The following NEB variants were observed in gnomAD, a reference collection of about 807,000 sequenced individuals.
The protein encoded by NEB is nemaline myopathy type 2.
A neutral mutation model predicts 952.2 loss-of-function variants in NEB; 512 were observed. That is an observed-to-expected ratio of 0.54 (90% confidence interval 0.50 to 0.58). NEB has a LOEUF of 0.58. Ranked by LOEUF, NEB falls within the 20% of genes least tolerant of loss-of-function variation. The pLI is 0.00. For synonymous variants in NEB, 2,900 were observed against 3,149.8 expected, an observed-to-expected ratio of 0.92 and a Z score of 2.66; for missense variants, 8,428 against 9,231.1, an observed-to-expected ratio of 0.91 and a Z score of 3.56.
chr2:151,729,127 A>G (rs2099799411), intron 4 of NEB, among the ~76,000 whole-genome samples: 1 of 152,188 alleles, frequency 6.6e-6, no homozygotes, highest in South Asian at 2.1e-4. Context: ...AGAATTGCTA[A>G]TGTGCTAAAA....
chr2:151,663,946 T>C, intron 44 of NEB, 87 bp from the exon 45 acceptor site: 3 of 1,373,508 alleles, frequency 2.2e-6, no homozygotes, highest in East Asian at 2.3e-5. Flanking sequence ...TTGTCTTAGA[T>C]GAAGGGTTTT....
intron 32 of NEB, among the ~76,000 whole-genome samples, chr2:151,678,863 G>T (rs377097560): frequency 3.3e-5 from 5 of 152,150 alleles, no homozygotes; most frequent in African/African-American, 1.2e-4. Flanking sequence ...ACTTCGGGTG[G>T]GACAGGGGCA....
intron 54 of NEB, 123 bp from the exon 55 acceptor site, chr2:151,646,357 G>A: frequency 1.3e-6 from 1 of 745,616 alleles, no homozygotes; most frequent in South Asian, 1.7e-5. Flanking sequence ...ATAATAAGCA[G>A]ACAACATAAG....
At chr2:151,706,575 A>T (rs2099707221) in intron 13 of NEB, among the ~76,000 whole-genome samples, 1 of 152,166 alleles carries the variant, frequency 6.6e-6, no homozygotes, top group Admixed American at 6.5e-5. Flanking sequence ...ACACGTCTGC[A>T]ATGTGGAGAC....
chr2:151,695,852 C>T (rs904800329), intron 17 of NEB, among the ~76,000 whole-genome samples, 170 bp from the exon 18 acceptor site: 1 of 152,190 alleles, frequency 6.6e-6, no homozygotes, highest in Non-Finnish European at 1.5e-5. Flanking sequence ...CACTTGGCAG[C>T]TATTATCACA....
chr2:151,496,838 C>A, intron 172 of NEB, 103 bp downstream of exon 172: 1 of 1,319,762 alleles, frequency 7.6e-7, no homozygotes, highest in South Asian at 1.4e-5. Context: ...GAAAGAAGTT[C>A]ACAAAATTTG....
chr2:151,707,447 C>T (rs1004783036), intron 12 of NEB, among the ~76,000 whole-genome samples: 4 of 152,198 alleles, frequency 2.6e-5, no homozygotes, highest in Admixed American at 6.5e-5. Context: ...CTGGAAGTAC[C>T]ACTAATCCAC....
intron 54 of NEB, among the ~76,000 whole-genome samples, chr2:151,646,509 A>G (rs1305777034): frequency 2.0e-5 from 3 of 152,236 alleles, no homozygotes; most frequent in Admixed American, 6.5e-5. Flanking sequence ...TGCCAATATT[A>G]TCAAATGAAA....
At chr2:151,534,903 A>T (rs1257426464) in intron 142 of NEB, among the ~76,000 whole-genome samples, 1 of 152,248 alleles carries the variant, frequency 6.6e-6, no homozygotes, top group Non-Finnish European at 1.5e-5. Flanking sequence ...TAAAGACAAC[A>T]AACAAAAAAG....
intron 64 of NEB, among the ~76,000 whole-genome samples, chr2:151,634,642 A>AAAAATAAAAT (rs1048571316): frequency 6.6e-6 from 1 of 152,144 alleles, no homozygotes; most frequent in African/African-American, 2.4e-5. Context: ...TCCATCTCAA[A>AAAAATAAAAT]AAAATAAAAT....
chr2:151,526,253 T>C lies in NEB; in HGVS notation c.21955A>G (p.Lys7319Glu). 6.2e-7 allele frequency: 1 copy of C among 1,610,486 alleles called. No individual in the cohort carries two copies. Among genetic ancestry groups the C allele is most frequent in the South Asian group, 1.1e-5 (1 of 90,648 alleles). The change falls in exon 149 of 182, where the codon AAA becomes GAA. Residue 7319 changes from lysine to glutamate, a missense_variant. Coordinates refer to ENST00000397345, the MANE Select transcript of NEB (RefSeq NM_001164508.2). ...CCTCTTTCCTTGACATGTTTCTCTT[T>C]GTATTTCAGCTTCAGGGGCAGGAAA... ...NTLIESDLKY[K>E]EKHVKERGTC... is the part of the protein sequence containing the mutation.
chr2:151,485,702 CG>C lies in NEB; in HGVS notation c.*57del. 6.6e-7 allele frequency: 1 copy of C among 1,522,612 alleles called. No homozygotes were observed. The highest frequency in any genetic ancestry group is 8.9e-7 in the Non-Finnish European group (1 of 1,126,798). The allele number at this position is 1,522,612 out of a possible 1,614,324, so 94.3% of individuals were successfully genotyped here. A position where few individuals can be genotyped will look rare whatever the true frequency, so the allele number is the denominator to read the frequency against. On this transcript the variant is annotated 3_prime_UTR_variant, in exon 182 of 182. Transcript: ENST00000397345. ...TTAGGTAACAGTGGAGAGTCTAAACCGAAACATTGACTGCAGGATCTGTAAG... is the reference window on the plus strand; with the variant it reads ...TTAGGTAACAGTGGAGAGTCTAAACCAAACATTGACTGCAGGATCTGTAAG...
intron 27 of NEB, 100 bp from the exon 28 acceptor site, chr2:151,685,075 G>A: frequency 8.0e-7 from 1 of 1,246,100 alleles, no homozygotes; most frequent in Non-Finnish European, 1.1e-6. Context: ...TAGAGAAAGA[G>A]TCAAACATCT....
chr2:151,665,205 C>A, intron 42 of NEB, 128 bp downstream of exon 42: 1 of 825,594 alleles, frequency 1.2e-6, no homozygotes, highest in Non-Finnish European at 1.9e-6. Flanking sequence ...GCAATAGAGT[C>A]CCCCTCCCAC....
At chr2:151,528,636 G>A (rs961914448) in intron 146 of NEB, among the ~76,000 whole-genome samples, 2 of 152,038 alleles carry the variant, frequency 1.3e-5, no homozygotes, top group East Asian at 1.9e-4. Flanking sequence ...GTACTAATTC[G>A]GTTACAATGG....
intron 37 of NEB, 79 bp downstream of exon 37, chr2:151,672,290 A>G (rs2099310842): frequency 7.7e-7 from 1 of 1,295,562 alleles, no homozygotes; most frequent in African/African-American, 1.5e-5. Context: ...AGCTGACTGT[A>G]GTATGAAGTC....
At chr2:151,538,063 A>G (rs1576701065) in intron 139 of NEB, 77 bp downstream of exon 139, 1 of 1,501,026 alleles carries the variant, frequency 6.7e-7, no homozygotes, top group Non-Finnish European at 9.2e-7. Flanking sequence ...CAGAAGAGGG[A>G]GGTTGCTAAA....
intron 20 of NEB, among the ~76,000 whole-genome samples, chr2:151,692,717 C>T (rs753609843): frequency 1.2e-4 from 19 of 152,174 alleles, no homozygotes; most frequent in Non-Finnish European, 2.6e-4. Flanking sequence ...CACCTGTCAT[C>T]ACAGCACTTT....
intron 10 of NEB, among the ~76,000 whole-genome samples, chr2:151,712,563 A>G (rs2099748147): frequency 6.6e-6 from 1 of 151,452 alleles, no homozygotes; most frequent in South Asian, 2.1e-4. Context: ...GTGGAGATCG[A>G]GCTCTCACAA....
Sources: gnomAD v4.1 joint callset for allele counts (sites outside exome capture counted in the v4.1 genomes callset) on GRCh38, gnomAD v4.1.1 for gene constraint, MANE v1.5 for transcripts, NCBI Gene and HGNC (gene_info 2026-07-23, HGNC 2026-07-21) for gene names.